MAML3: variants seen among roughly 807,000 people sequenced by gnomAD.
MAML3 encodes the protein mastermind like transcriptional coactivator 3.
A neutral mutation model predicts 101.9 loss-of-function variants in MAML3; 27 were observed. That is an observed-to-expected ratio of 0.27 (90% CI 0.20 to 0.37). The LOEUF (loss-of-function observed/expected upper bound fraction) is 0.37, where lower values mean the gene tolerates loss of function less well. Among genes scored for constraint, MAML3 ranks in the 10% least tolerant of loss-of-function variants. The probability of loss-of-function intolerance (pLI) is 1.00; values close to 1 mark genes in which losing one functional copy is unlikely to be tolerated. For synonymous variants in MAML3, 501 were observed against 555.9 expected (o/e 0.90, Z 1.39); for missense variants, 1,316 against 1,444.9 (o/e 0.91, Z 1.45).
chr4:139,937,158 T>C (rs1733523652), intron 1 of MAML3, among the ~76,000 whole-genome samples: 1 of 152,210 alleles, frequency 6.6e-6, no homozygotes, highest in South Asian at 2.1e-4. Context: ...AGTTTTATAG[T>C]GATACTTTTC....
At chr4:139,745,034 C>T (rs546088712) in intron 2 of MAML3, among the ~76,000 whole-genome samples, 2 of 152,226 alleles carry the variant, frequency 1.3e-5, no homozygotes, top group African/African-American at 4.8e-5. Flanking sequence ...TTTCTACTCG[C>T]TCTAACATTT....
At chr4:139,897,019 G>A (rs559403866) in intron 1 of MAML3, among the ~76,000 whole-genome samples, 2 of 152,280 alleles carry the variant, frequency 1.3e-5, no homozygotes, top group African/African-American at 4.8e-5. Context: ...ATGACAAAGA[G>A]GTCTTTTATT....
rs549013531 is a variant in MAML3 at position 139,906,573 on chromosome 4, G to C, written c.469-15606C>G. ...ACAAGGAATGATGGTTAGGATTCTT[G>C]CGCCAGCCCAGTGCCTCATGCGATA... On this transcript the variant is annotated intron_variant, in intron 1 of 4. Coordinates refer to ENST00000509479, the MANE Select transcript of MAML3 (RefSeq NM_018717.5). Among the ~76,000 whole-genome samples, 9 of 152,326 alleles carry C rather than the reference G, an allele frequency of 5.9e-5. No homozygotes were observed. The South Asian group carries it at 1.4e-3, about 25-fold the overall frequency.
intron 2 of MAML3, among the ~76,000 whole-genome samples, chr4:139,868,576 C>T (rs1398229354): frequency 6.6e-6 from 1 of 152,148 alleles, no homozygotes; most frequent in Non-Finnish European, 1.5e-5. Flanking sequence ...TAGATACGTG[C>T]TCTTAGAAAA....
chr4:139,806,832 C>T (rs762199802), intron 2 of MAML3, among the ~76,000 whole-genome samples: 4 of 152,072 alleles, frequency 2.6e-5, no homozygotes, highest in Non-Finnish European at 5.9e-5. Flanking sequence ...AAACCAAATG[C>T]TGTTGGATTT....
chr4:139,808,943 C>T (rs181061111), intron 2 of MAML3, among the ~76,000 whole-genome samples: 44 of 152,078 alleles, frequency 2.9e-4, no homozygotes, highest in Non-Finnish European at 7.4e-5. Flanking sequence ...TGTGAGTGTG[C>T]ATGTGTGTGT....
intron 1 of MAML3, among the ~76,000 whole-genome samples, chr4:139,974,094 TACA>T (rs1235766330): frequency 7.2e-6 from 1 of 139,720 alleles, no homozygotes; most frequent in East Asian, 2.2e-4. Flanking sequence ...AATTTATTCT[TACA>T]TTTAATAGTT....
At chr4:140,026,156 C>G (rs1560870356) in intron 1 of MAML3, among the ~76,000 whole-genome samples, 1 of 152,074 alleles carries the variant, frequency 6.6e-6, no homozygotes, top group Non-Finnish European at 1.5e-5. Flanking sequence ...ATTAAACTTC[C>G]CTTAAGTGCC....
intron 1 of MAML3, among the ~76,000 whole-genome samples, chr4:139,988,283 C>T (rs1339228379): frequency 1.4e-4 from 20 of 141,894 alleles, no homozygotes; most frequent in African/African-American, 4.8e-4. Context: ...GCCAGGATCG[C>T]GCCACTGCAC....
At chr4:140,110,369 G>A (rs530945621) in intron 1 of MAML3, among the ~76,000 whole-genome samples, 5 of 152,298 alleles carry the variant, frequency 3.3e-5, no homozygotes, top group East Asian at 1.9e-4. Flanking sequence ...CCTTCCACAC[G>A]AACACTTTAC....
At chr4:139,961,595 C>T (rs1041324322) in intron 1 of MAML3, among the ~76,000 whole-genome samples, 3 of 152,084 alleles carry the variant, frequency 2.0e-5, no homozygotes, top group Non-Finnish European at 4.4e-5. Flanking sequence ...TTTCTAGTTC[C>T]GCATTCCTAT....
At chr4:140,027,358 A>G (rs1376961176) in intron 1 of MAML3, among the ~76,000 whole-genome samples, 1 of 152,184 alleles carries the variant, frequency 6.6e-6, no homozygotes, top group Non-Finnish European at 1.5e-5. Flanking sequence ...CTTCTAATGC[A>G]GCACTTCCTT....
intron 2 of MAML3, among the ~76,000 whole-genome samples, chr4:139,793,700 T>A (rs1421413937): frequency 6.6e-6 from 1 of 152,220 alleles, no homozygotes; most frequent in Non-Finnish European, 1.5e-5. Context: ...CTGCTTTCTA[T>A]CAAAGAACCT....
intron 1 of MAML3, among the ~76,000 whole-genome samples, chr4:140,048,982 G>A (rs1278397485): frequency 6.6e-6 from 1 of 152,188 alleles, no homozygotes. Context: ...GGGATTCAAA[G>A]ATTCATAGCA....
At chr4:139,783,924 G>A (rs1043600362) in intron 2 of MAML3, among the ~76,000 whole-genome samples, 9 of 152,206 alleles carry the variant, frequency 5.9e-5, no homozygotes, top group Non-Finnish European at 1.0e-4. Context: ...TCTTCATTAC[G>A]CATTTAGCGG....
At chr4:140,087,862 AC>A (rs1253971299) in intron 1 of MAML3, among the ~76,000 whole-genome samples, 4 of 152,196 alleles carry the variant, frequency 2.6e-5, no homozygotes, top group Admixed American at 6.5e-5. Context: ...CCAACTCTTT[AC>A]GATGAAAAAC....
chr4:140,064,678 C>A (rs1727501491), intron 1 of MAML3, among the ~76,000 whole-genome samples: 1 of 152,122 alleles, frequency 6.6e-6, no homozygotes, highest in South Asian at 2.1e-4. Flanking sequence ...TCTTTGGAAG[C>A]CAATATTTAA....
chr4:139,737,026 C>T (rs950570980), intron 2 of MAML3, among the ~76,000 whole-genome samples: 5 of 152,132 alleles, frequency 3.3e-5, no homozygotes, highest in African/African-American at 7.2e-5. Context: ...GCCAATTCTT[C>T]CAGGACGGAC....
intron 1 of MAML3, among the ~76,000 whole-genome samples, chr4:140,144,052 C>G (rs537573235): frequency 3.3e-5 from 5 of 152,290 alleles, no homozygotes; most frequent in South Asian, 2.1e-4. Context: ...GGGCCCCTCA[C>G]CAGCAGCAAT....
Sources: allele counts gnomAD v4.1 joint callset (sites outside exome capture counted in the v4.1 genomes callset), GRCh38; gene constraint gnomAD v4.1.1; transcripts MANE v1.5; gene names NCBI Gene and HGNC (gene_info 2026-07-23, HGNC 2026-07-21).